FLNC: variants seen among roughly 807,000 people sequenced by gnomAD.
FLNC encodes the protein filamin C.
In FLNC, 91 loss-of-function variants were observed where a neutral mutation model predicts 254.3. That is an observed-to-expected ratio of 0.36 (90% CI 0.30 to 0.43). The LOEUF is 0.43. Ranked by LOEUF, FLNC falls within the 20% of genes least tolerant of loss-of-function variation. FLNC has a pLI of 1.00. For synonymous variants in FLNC, 1,430 were observed against 1,577.2 expected, an observed-to-expected ratio of 0.91 and a Z score of 2.21; for missense variants, 2,853 against 3,802.6, an observed-to-expected ratio of 0.75 and a Z score of 6.57.
intron 23 of FLNC, 129 bp downstream of exon 23, chr7:128,846,592 C>T: frequency 7.2e-7 from 1 of 1,382,062 alleles, no homozygotes. Flanking sequence ...GGAGCAGACC[C>T]CCTCCAGGAC....
chr7:128,843,855 G>T lies in FLNC; in HGVS notation c.2871G>T (p.Val957=). The stretch of plus-strand genomic sequence containing the variant: ...ACCCTGTCCCCAAGAGCCCCTTTGT[G>T]GTGAATGTGGCACCCCCGCTGGACC... The part of the protein sequence containing the change: ...GGDPVPKSPF[V]VNVAPPLDLS... Residue 957 remains valine, a synonymous_variant, in exon 19 of 48, where the codon GTG becomes GTT. Transcript: ENST00000325888. 1 of 1,613,992 alleles carries T rather than the reference G, an allele frequency of 6.2e-7. No homozygotes were observed. The highest frequency in any genetic ancestry group is 1.1e-5 in the South Asian group (1 of 91,084).
chr7:128,843,736 AC>A, intron 18 of FLNC, 59 bp from the exon 19 acceptor site: 1 of 1,541,852 alleles, frequency 6.5e-7, no homozygotes, highest in East Asian at 2.2e-5. Context: ...CATATTCACC[AC>A]CAGGATGTTG....
chr7:128,831,942 A>T (rs1477623346), intron 1 of FLNC, among the ~76,000 whole-genome samples: 1 of 144,972 alleles, frequency 6.9e-6, no homozygotes. Flanking sequence ...CCCCCCGCCC[A>T]CCCCTGTGGA....
rs1484935759 is a variant in FLNC at position 128,850,879 on chromosome 7, G to A, written c.5475G>A (p.Arg1825=). ...ACAAGGACGGCACCATCACGGTGAG[G>A]TATGCACCCACTGAGAAAGGCCTGC... is the stretch of plus-strand genomic sequence containing the variant. ...TDNKDGTITV[R]YAPTEKGLHQ... is the part of the protein sequence containing the mutation. Residue 1825 remains arginine, a synonymous_variant, in exon 33 of 48, where the codon AGG becomes AGA. Coordinates refer to ENST00000325888, the MANE Select transcript of FLNC (RefSeq NM_001458.5). The A allele has an allele frequency of 8.7e-6, 14 of 1,613,520 alleles. No homozygotes were observed. The highest frequency in any genetic ancestry group is 1.2e-5 in the Non-Finnish European group (14 of 1,179,920).
intron 16 of FLNC, 89 bp from the exon 17 acceptor site, chr7:128,843,140 G>A (rs971214466): frequency 4.2e-6 from 6 of 1,417,138 alleles, no homozygotes; most frequent in Admixed American, 2.0e-5. Flanking sequence ...TCCATGCTGG[G>A]TCCCCTGGGT....
chr7:128,856,220 C>T lies in FLNC; in HGVS notation c.7252-298C>T, dbSNP rs762533765. Among the ~76,000 whole-genome samples the T allele has an allele frequency of 3.9e-5, 6 of 152,080 alleles. No homozygotes were observed. Among genetic ancestry groups the T allele is most frequent in the East Asian group, 1.9e-4 (1 of 5,198 alleles). On this transcript the variant is annotated intron_variant, in intron 43 of 47. Coordinates refer to ENST00000325888, the MANE Select transcript of FLNC (RefSeq NM_001458.5). The surrounding 1 kb of genome is among the most constrained non-coding windows in gnomAD (Gnocchi z 5.9). ...CACAGCCCATCAGGCACTTGCCCTC[C>T]GCCCTCAGCCTGCTTCACACAGAGT... is the stretch of plus-strand genomic sequence containing the variant.
At position 128,830,793 on chromosome 7, in the gene FLNC, C is replaced by G; in HGVS notation, c.156C>G (p.Cys52Trp). Residue 52 changes from cysteine (C) to tryptophan (W), a missense_variant, in exon 1 of 48, where the codon TGC (cysteine) becomes TGG (tryptophan). Physicochemically the swap from Cys to Trp is radical, Grantham distance 215 (BLOSUM62 -2). Transcript: ENST00000325888. ...FTRWCNEHLK[C>W]VGKRLTDLQR... ...GCTGGTGCAATGAGCACCTCAAGTG[C>G]GTGGGCAAGCGCCTGACCGACCTGC... 1.2e-6 allele frequency: 2 copies of G among 1,613,116 alleles called. No individual in the cohort carries two copies. The highest frequency in any genetic ancestry group is 1.7e-6 in the Non-Finnish European group (2 of 1,179,914).
At chr7:128,845,920 G>A (rs2128936715) in intron 21 of FLNC, 70 bp from the exon 22 acceptor site, 7 of 1,387,854 alleles carry the variant, frequency 5.0e-6, no homozygotes, top group Non-Finnish European at 5.1e-6. Context: ...GAAAGGAGGG[G>A]GAGAGGAGAG....
At position 128,844,239 on chromosome 7, in the gene FLNC, G is replaced by A. The variant is rs1276947279; in HGVS notation, c.3165G>A (p.Glu1055=). The change falls in exon 20 of 48, where the codon GAG becomes GAA. Residue 1055 remains glutamate (E), a synonymous_variant. Coordinates refer to ENST00000325888, the MANE Select transcript of FLNC (RefSeq NM_001458.5). ...HPVPGSPFAV[E]GVLPPDPSKV... ...TGCCTGGCAGCCCGTTTGCTGTGGA[G>A]GGTGTCCTGCCCCCTGATCCCTCCA... The A allele has an allele frequency of 6.2e-7, 1 of 1,610,500 alleles. No homozygotes were observed. Among genetic ancestry groups the A allele is most frequent in the African/African-American group, 1.3e-5 (1 of 75,006 alleles).
Position 128,853,769 on chromosome 7 carries a change from C to A in FLNC, c.6416C>A (p.Thr2139Asn), listed in dbSNP as rs547881636. The A allele has an allele frequency of 6.2e-7, 1 of 1,613,824 alleles. No homozygotes were observed. Among genetic ancestry groups the A allele is most frequent in the East Asian group, 2.2e-5 (1 of 44,874 alleles). The change falls in exon 39 of 48, where the codon ACC becomes AAC. Residue 2139 changes from threonine (T) to asparagine (N), a missense_variant. This residue lies in a region of FLNC where 551 missense variants were observed against 835.0 expected (regional missense o/e 0.66). Coordinates refer to ENST00000325888, the MANE Select transcript of FLNC (RefSeq NM_001458.5). ...GAGGGCCGCATGAAGGAGAGCATCA[C>A]CCGGCGGAGACAGGCACCTTCCATC... Reference protein sequence around the residue: ...TGEGRMKESITRRRQAPSIAT... With the variant: ...TGEGRMKESINRRRQAPSIAT...
At chr7:128,851,966 T>C (rs1394793862) in intron 35 of FLNC, among the ~76,000 whole-genome samples, 1 of 152,116 alleles carries the variant, frequency 6.6e-6, no homozygotes, top group Admixed American at 6.5e-5. Flanking sequence ...CCCGGGTTCA[T>C]GCCATTCTTC....
rs1179613861 is a variant in FLNC, at chr7:128,856,301, C to T, written c.7252-217C>T. ...CACATCGTCTGTCATCTCCCACACA[C>T]CAAGCACAGCTAGGATAGCAGGTGC... On this transcript the variant is annotated intron_variant, in intron 43 of 47. Transcript: ENST00000325888. This position sits in a 1 kb window ranked among gnomAD's most constrained non-coding sequence, Gnocchi z 5.9. 6.6e-6 allele frequency among the ~76,000 whole-genome samples: 1 copy of T among 152,242 alleles called. No individual in the cohort carries two copies. The highest frequency in any genetic ancestry group is 6.5e-5 in the Admixed American group (1 of 15,290).
At position 128,841,246 on chromosome 7, in the gene FLNC, C is replaced by T; in HGVS notation, c.1890C>T (p.Tyr630=). ...GGGATGGCTCCTGCGATGTGCGGTACTGGCCCACGGAGCCTGGGGAGTACG... is the reference window on the plus strand; with the variant it reads ...GGGATGGCTCCTGCGATGTGCGGTATTGGCCCACGGAGCCTGGGGAGTACG... ...DKGDGSCDVR[Y]WPTEPGEYAV... is the part of the protein sequence containing the mutation. Residue 630 remains tyrosine, a synonymous_variant, in exon 12 of 48, where the codon TAC becomes TAT. Coordinates refer to ENST00000325888, the MANE Select transcript of FLNC (RefSeq NM_001458.5). The surrounding 1 kb of genome is among the most constrained non-coding windows in gnomAD (Gnocchi z 4.3). 1.2e-6 allele frequency: 2 copies of T among 1,614,142 alleles called. No homozygotes were observed. The highest frequency in any genetic ancestry group is 1.7e-6 in the Non-Finnish European group (2 of 1,179,998).
Position 128,837,719 on chromosome 7 carries a change from G to A in FLNC, c.933G>A (p.Leu311=). 3 of 1,599,756 alleles carry A rather than the reference G, an allele frequency of 1.9e-6. No individual in the cohort carries two copies. The highest frequency in any genetic ancestry group is 2.6e-6 in the Non-Finnish European group (3 of 1,174,060). The change falls in exon 5 of 48, where the codon CTG becomes CTA. Residue 311 remains leucine, a synonymous_variant. Transcript: ENST00000325888. ...TGGACGCGGGCGTGGGCGAGGTGCT[G>A]GTCTACATCGAGGACCCTGAAGGCC... ...QTVDAGVGEV[L]VYIEDPEGHT...
chr7:128,852,798 G>A, intron 36 of FLNC, 30 bp from the exon 37 acceptor site: 1 of 1,613,672 alleles, frequency 6.2e-7, no homozygotes, highest in Non-Finnish European at 8.5e-7. Context: ...GGGCCCACAG[G>A]ATGCTCTGCC....
Position 128,841,230 on chromosome 7 carries a change from C to G in FLNC, c.1874C>G (p.Ser625Cys). 1 of 1,614,118 alleles carries G rather than the reference C, an allele frequency of 6.2e-7. No individual in the cohort carries two copies. Among genetic ancestry groups the G allele is most frequent in the Non-Finnish European group, 8.5e-7 (1 of 1,179,998 alleles). The change falls in exon 12 of 48, where the codon TCC (serine) becomes TGC (cysteine). Residue 625 changes from serine to cysteine, a missense_variant. Transcript: ENST00000325888. The surrounding 1 kb of genome is among the most constrained non-coding windows in gnomAD (Gnocchi z 4.3). The stretch of plus-strand genomic sequence containing the variant: ...GAATGTGACGACAAGGGGGATGGCT[C>G]CTGCGATGTGCGGTACTGGCCCACG... Reference protein sequence around the residue: ...KIECDDKGDGSCDVRYWPTEP... With the variant: ...KIECDDKGDGCCDVRYWPTEP...
chr7:128,837,956 A>G (rs1808166259), intron 5 of FLNC, 31 bp from the exon 6 acceptor site: 1 of 1,596,816 alleles, frequency 6.3e-7, no homozygotes, highest in Non-Finnish European at 8.6e-7. Context: ...TGGTCATTGG[A>G]GAGGCTTCCA....
At chr7:128,844,636 C>T in intron 20 of FLNC, 22 bp from the exon 21 acceptor site, 4 of 1,603,612 alleles carry the variant, frequency 2.5e-6, no homozygotes, top group Non-Finnish European at 3.4e-6. Flanking sequence ...GCAGGGAACC[C>T]ACAACCTGCC....
At chr7:128,848,770 C>T in intron 27 of FLNC, 23 bp from the exon 28 acceptor site, 1 of 1,614,166 alleles carries the variant, frequency 6.2e-7, no homozygotes, top group Non-Finnish European at 8.5e-7. Context: ...ACAGGCGGGC[C>T]TTGACCTCTG....
Sources: gnomAD v4.1 joint callset for allele counts (sites outside exome capture counted in the v4.1 genomes callset) on GRCh38, gnomAD v4.1.1 for gene constraint, gnomAD v4.1.1 regional missense constraint, Gnocchi (gnomAD v3.1) non-coding constraint, MANE v1.5 for transcripts, NCBI Gene and HGNC (gene_info 2026-07-23, HGNC 2026-07-21) for gene names.